DRC9: variants seen among roughly 807,000 people sequenced by gnomAD.
DRC9 encodes dynein regulatory complex protein 9.
the DRC9 span, among the ~76,000 whole-genome samples, chr3:197,955,409 C>T: frequency 3.3e-5 from 5 of 151,964 alleles, no homozygotes; most frequent in Admixed American, 2.6e-4. Flanking sequence ...ACTATAGGCA[C>T]GTACCACCAT....
the DRC9 span, chr3:197,913,604 T>C: frequency 1.8e-6 from 1 of 570,314 alleles, no homozygotes; most frequent in East Asian, 2.9e-5. Flanking sequence ...AAAATGGTGA[T>C]TGGTTTGCCA....
At chr3:197,941,640 A>G in the DRC9 span, among the ~76,000 whole-genome samples, 1 of 142,710 alleles carries the variant, frequency 7.0e-6, no homozygotes, top group South Asian at 2.3e-4. Context: ...GGCTTGCTGC[A>G]GCCTCAGTCT....
the DRC9 span, among the ~76,000 whole-genome samples, chr3:197,919,860 C>G: frequency 7.2e-5 from 11 of 151,886 alleles, no homozygotes; most frequent in Non-Finnish European, 1.3e-4. Context: ...GTAATGTTGT[C>G]TATTAAAGAG....
chr3:197,930,506 C>T, the DRC9 span, among the ~76,000 whole-genome samples: 2 of 151,734 alleles, frequency 1.3e-5, no homozygotes, highest in South Asian at 2.1e-4. Flanking sequence ...TTTGGGAGGC[C>T]GAGGCGGGTG....
At chr3:197,889,347 A>G in the DRC9 span, 1 of 545,870 alleles carries the variant, frequency 1.8e-6, no homozygotes, top group South Asian at 2.5e-5. Context: ...ACTTCTTCCC[A>G]GCAAGGTATG....
the DRC9 span, chr3:197,951,092 G>C: frequency 6.2e-7 from 1 of 1,607,678 alleles, no homozygotes; most frequent in African/African-American, 1.3e-5. Context: ...TTTTGGGTGG[G>C]GGTGATTACA....
chr3:197,941,514 C>T, the DRC9 span, among the ~76,000 whole-genome samples: 1 of 94,916 alleles, frequency 1.1e-5, no homozygotes, highest in African/African-American at 5.3e-5. Context: ...TCCCTTCCTT[C>T]CTTCCTTTCT....
At chr3:197,926,002 G>A in the DRC9 span, 2 of 1,273,080 alleles carry the variant, frequency 1.6e-6, no homozygotes, top group African/African-American at 2.9e-5. Flanking sequence ...GTCACTTTTG[G>A]TGTTAAGCAG....
chr3:197,957,976 A>C, the DRC9 span: 1 of 152,244 alleles, frequency 6.6e-6, no homozygotes, highest in Non-Finnish European at 1.5e-5. Context: ...CTAAAATGCC[A>C]CATGAGAGGT....
the DRC9 span, among the ~76,000 whole-genome samples, chr3:197,899,265 C>G: frequency 6.6e-6 from 1 of 152,102 alleles, no homozygotes; most frequent in Admixed American, 6.5e-5. Flanking sequence ...AAAATAAAAT[C>G]ATAATAATAA....
the DRC9 span, among the ~76,000 whole-genome samples, chr3:197,911,722 C>T: frequency 1.2e-4 from 19 of 152,060 alleles, no homozygotes; most frequent in East Asian, 3.5e-3. Flanking sequence ...TCACTGTAAC[C>T]TCTGCCTCCT....
At chr3:197,947,618 C>T in the DRC9 span, among the ~76,000 whole-genome samples, 1 of 152,194 alleles carries the variant, frequency 6.6e-6, no homozygotes, top group Non-Finnish European at 1.5e-5. Flanking sequence ...TGACCCATCA[C>T]CAGCTTAAGA....
the DRC9 span, among the ~76,000 whole-genome samples, chr3:197,916,657 T>C: frequency 2.0e-5 from 3 of 152,054 alleles, no homozygotes; most frequent in Non-Finnish European, 4.4e-5. Context: ...TAGCTCACTG[T>C]AGTCTTGAAC....
chr3:197,936,539 T>C, the DRC9 span, among the ~76,000 whole-genome samples: 2 of 152,122 alleles, frequency 1.3e-5, no homozygotes, highest in Non-Finnish European at 2.9e-5. Context: ...CTTTTCTTGA[T>C]TTTTAGTAGA....
chr3:197,950,360 G>C, the DRC9 span: 781 of 1,219,772 alleles, frequency 6.4e-4, 2 homozygotes, highest in African/African-American at 0.011. Context: ...AGGGAGAACA[G>C]GATGGAGGAG....
the DRC9 span, chr3:197,957,458 G>GTT: frequency 4.6e-4 from 60 of 129,820 alleles, no homozygotes; most frequent in Non-Finnish European, 6.7e-4. Context: ...GATTGTGGTG[G>GTT]TTTTTTTTTT....
the DRC9 span, among the ~76,000 whole-genome samples, chr3:197,933,764 TTG>T: frequency 4.6e-5 from 7 of 152,160 alleles, no homozygotes; most frequent in Admixed American, 2.0e-4. Context: ...TATTATGTGT[TTG>T]TGTGTTTTAT....
chr3:197,930,932 G>A, the DRC9 span, among the ~76,000 whole-genome samples: 13 of 151,676 alleles, frequency 8.6e-5, no homozygotes, highest in Non-Finnish European at 1.9e-4. Flanking sequence ...TACTAGGGAG[G>A]TGGAGGCAGG....
chr3:197,955,767 G>A, the DRC9 span: 53 of 1,606,270 alleles, frequency 3.3e-5, no homozygotes, highest in Non-Finnish European at 4.3e-5. Context: ...ACCCCTCAAG[G>A]ATTTAAACTA....
Sources: allele counts gnomAD v4.1 joint callset (sites outside exome capture counted in the v4.1 genomes callset), GRCh38; gene constraint gnomAD v4.1.1; transcripts MANE v1.5; gene names NCBI Gene and HGNC (gene_info 2026-07-23, HGNC 2026-07-21).